The following TRAPPC9 variants were observed in gnomAD, a reference collection of about 807,000 sequenced individuals.
TRAPPC9 encodes IKK2 binding protein.
In TRAPPC9, 83 loss-of-function variants were observed where a neutral mutation model predicts 124.0. The observed-to-expected ratio is 0.67, with a 90% CI of 0.56 to 0.80. The LOEUF (loss-of-function observed/expected upper bound fraction) is 0.80. Ranked by LOEUF, TRAPPC9 falls within the 30% of genes least tolerant of loss-of-function variation. The pLI, the probability that TRAPPC9 is intolerant of heterozygous loss-of-function variation, is 0.00. For synonymous variants in TRAPPC9, 638 were observed against 617.5 expected (o/e 1.03, Z -0.49); for missense variants, 1,302 against 1,508.3 (o/e 0.86, Z 2.27).
chr8:139,868,845 GACAA>G (rs1828716175), intron 21 of TRAPPC9, among the ~76,000 whole-genome samples: 1 of 152,124 alleles, frequency 6.6e-6, no homozygotes, highest in African/African-American at 2.4e-5. Flanking sequence ...AGGGTAGAGA[GACAA>G]ACAAGAAACA....
intron 21 of TRAPPC9, among the ~76,000 whole-genome samples, chr8:139,840,241 G>A (rs879840491): frequency 3.9e-5 from 6 of 152,204 alleles, no homozygotes; most frequent in Non-Finnish European, 8.8e-5. Flanking sequence ...GCAGGGAGGT[G>A]GCTTGCAATG....
At chr8:140,201,300 A>T (rs1207188792) in intron 17 of TRAPPC9, among the ~76,000 whole-genome samples, 6 of 152,236 alleles carry the variant, frequency 3.9e-5, no homozygotes, top group Non-Finnish European at 8.8e-5. Flanking sequence ...CAATTTTCAC[A>T]ATGGAATTAA....
At chr8:139,977,353 G>A (rs1430026373) in intron 19 of TRAPPC9, among the ~76,000 whole-genome samples, 3 of 152,018 alleles carry the variant, frequency 2.0e-5, no homozygotes, top group African/African-American at 7.2e-5. Flanking sequence ...CAGGCGTGGT[G>A]GCTCACACCT....
intron 1 of TRAPPC9, among the ~76,000 whole-genome samples, chr8:140,454,313 T>A (rs1161841865): frequency 6.7e-6 from 1 of 149,290 alleles, no homozygotes; most frequent in Admixed American, 6.7e-5. Flanking sequence ...ATAAAAATGA[T>A]TTAAAAATAA....
At chr8:140,443,378 GTGAGCCAAGA>G (rs1283519579) in intron 2 of TRAPPC9, among the ~76,000 whole-genome samples, 7 of 151,616 alleles carry the variant, frequency 4.6e-5, no homozygotes, top group African/African-American at 1.7e-4. Flanking sequence ...GGAGCTTGCA[GTGAGCCAAGA>G]TCGCGCCACT....
chr8:140,302,568 C>T (rs1204964598), intron 10 of TRAPPC9: 1 of 152,244 alleles, frequency 6.6e-6, no homozygotes, highest in Non-Finnish European at 1.5e-5. Flanking sequence ...ACCGTAAAAA[C>T]CTGACTTCCC....
chr8:139,791,877 C>T (rs536183949), intron 21 of TRAPPC9, among the ~76,000 whole-genome samples: 1 of 152,316 alleles, frequency 6.6e-6, no homozygotes, highest in South Asian at 2.1e-4. Context: ...TCAGCACTGC[C>T]ATCACCCCTC....
rs373886400 is a variant in TRAPPC9, at chr8:140,283,993, G to A, written c.2010C>T (p.Phe670=). 2.5e-6 allele frequency: 4 copies of A among 1,614,130 alleles called. No individual in the cohort carries two copies. The South Asian group carries it at 3.3e-5, about 13-fold the overall frequency. The change falls in exon 14 of 23, where the codon TTC becomes TTT. Residue 670 remains phenylalanine (F), a synonymous_variant. Coordinates refer to ENST00000438773, the MANE Select transcript of TRAPPC9 (RefSeq NM_001160372.4). ...NGYHTTVFGV[F]SDCLLDNLPG... is the part of the protein sequence containing the mutation. Reference sequence around the variant, plus strand: ...GCAGGTTATCCAGCAAACAGTCACTGAACACACCGAAGACCGTGGTATGGT... The same window carrying A: ...GCAGGTTATCCAGCAAACAGTCACTAAACACACCGAAGACCGTGGTATGGT...
chr8:139,890,322 AG>A (rs1830258587), intron 20 of TRAPPC9, among the ~76,000 whole-genome samples: 1 of 152,220 alleles, frequency 6.6e-6, no homozygotes, highest in African/African-American at 2.4e-5. Context: ...AGGGCTAAGG[AG>A]GTGCCCTGCT....
At chr8:139,743,060 G>A (rs1041488990) in intron 21 of TRAPPC9, among the ~76,000 whole-genome samples, 1 of 152,200 alleles carries the variant, frequency 6.6e-6, no homozygotes, top group Admixed American at 6.5e-5. Context: ...AATGTGGAAG[G>A]TGGTGGGGTG....
At chr8:140,388,386 A>G (rs1257770939) in intron 7 of TRAPPC9, among the ~76,000 whole-genome samples, 1 of 151,842 alleles carries the variant, frequency 6.6e-6, no homozygotes, top group East Asian at 1.9e-4. Flanking sequence ...AAAAAAAAAA[A>G]AGAAGGAATG....
At chr8:139,791,279 G>A (rs1040364179) in intron 21 of TRAPPC9, among the ~76,000 whole-genome samples, 15 of 150,380 alleles carry the variant, frequency 1.0e-4, no homozygotes, top group African/African-American at 3.0e-4. Flanking sequence ...ACAGGCGCCC[G>A]TCTCCCCTGC....
intron 17 of TRAPPC9, among the ~76,000 whole-genome samples, chr8:140,107,669 T>C (rs1022660301): frequency 4.6e-5 from 7 of 152,140 alleles, no homozygotes; most frequent in Non-Finnish European, 8.8e-5. Flanking sequence ...TAGGTAAGCA[T>C]GGCCAAGGCT....
chr8:139,816,379 G>T (rs1009772620), intron 21 of TRAPPC9, among the ~76,000 whole-genome samples: 1 of 152,214 alleles, frequency 6.6e-6, no homozygotes, highest in Non-Finnish European at 1.5e-5. Context: ...TCCCCAGAAC[G>T]TTCCTTGCCA....
At chr8:139,957,945 A>C (rs1166133532) in intron 19 of TRAPPC9, among the ~76,000 whole-genome samples, 1 of 152,224 alleles carries the variant, frequency 6.6e-6, no homozygotes, top group Non-Finnish European at 1.5e-5. Flanking sequence ...CCAACCTTCC[A>C]GCTCCACCCA....
intron 18 of TRAPPC9, among the ~76,000 whole-genome samples, chr8:139,999,844 G>T (rs1425420306): frequency 6.6e-6 from 1 of 152,096 alleles, no homozygotes; most frequent in Non-Finnish European, 1.5e-5. Flanking sequence ...AGCCCCAAGA[G>T]AAATAAAATA....
At chr8:140,333,853 A>T (rs1022457648) in intron 9 of TRAPPC9, among the ~76,000 whole-genome samples, 3 of 152,264 alleles carry the variant, frequency 2.0e-5, no homozygotes, top group Non-Finnish European at 4.4e-5. Context: ...CAAAGGTGGA[A>T]GTTTAAAGTA....
chr8:139,804,044 A>ACACGCCACC (rs1325606815), intron 21 of TRAPPC9, among the ~76,000 whole-genome samples: 1 of 151,146 alleles, frequency 6.6e-6, no homozygotes. Flanking sequence ...CGCCGCCACC[A>ACACGCCACC]CACGCCACCT....
At position 140,049,191 on chromosome 8, in the gene TRAPPC9, G is replaced by A. The variant is rs563211080; in HGVS notation, c.2557-25112C>T. On this transcript the variant is annotated intron_variant, in intron 17 of 22. Transcript: ENST00000438773. ...ACAGGTAAAGTAAACCCCCACGTTC[G>A]CAGGACCTACTGAGGGCAGGGCCAG... 7.2e-5 allele frequency among the ~76,000 whole-genome samples: 11 copies of A among 152,288 alleles called. No homozygotes were observed. The South Asian group carries it at 2.1e-3, about 29-fold the overall frequency.
Sources: allele counts gnomAD v4.1 joint callset (sites outside exome capture counted in the v4.1 genomes callset), GRCh38; gene constraint gnomAD v4.1.1; transcripts MANE v1.5; gene names NCBI Gene and HGNC (gene_info 2026-07-23, HGNC 2026-07-21).